The following LGR5 variants were observed in gnomAD, a reference collection of about 807,000 sequenced individuals.
The protein encoded by LGR5 is leucine-rich repeat-containing G protein-coupled receptor 5.
In LGR5, 54 loss-of-function variants were observed where a neutral mutation model predicts 76.7. The ratio of observed to expected loss-of-function variants is 0.70; its 90% confidence interval spans 0.57 to 0.88. LGR5 has a LOEUF of 0.88. Among genes scored for constraint, LGR5 ranks in the 40% least tolerant of loss-of-function variants. LGR5 has a pLI of 0.00. For missense variants in LGR5, 1,078 were observed against 1,073.3 expected (o/e 1.00, Z -0.06); for synonymous variants, 406 against 421.9 (o/e 0.96, Z 0.46).
chr12:71,497,056 G>A (rs749434197), intron 1 of LGR5, among the ~76,000 whole-genome samples: 2 of 152,080 alleles, frequency 1.3e-5, no homozygotes, highest in African/African-American at 2.4e-5. Flanking sequence ...TGGCATGCCT[G>A]TAATCCCAGC....
intron 3 of LGR5, among the ~76,000 whole-genome samples, chr12:71,532,688 C>T (rs537906162): frequency 6.6e-6 from 1 of 152,220 alleles, no homozygotes; most frequent in South Asian, 2.1e-4. Context: ...TCCCATTATA[C>T]AGATAAAAGA....
chr12:71,478,794 T>G (rs1873454140), intron 1 of LGR5, among the ~76,000 whole-genome samples: 1 of 152,350 alleles, frequency 6.6e-6, no homozygotes, highest in East Asian at 1.9e-4. Flanking sequence ...ATTACATTTC[T>G]GTTTTTACTC....
intron 1 of LGR5, among the ~76,000 whole-genome samples, chr12:71,494,434 G>T (rs1190087942): frequency 6.6e-6 from 1 of 151,006 alleles, no homozygotes; most frequent in Non-Finnish European, 1.5e-5. Context: ...CTAGTTCTTT[G>T]TAAGCCTCTG....
At chr12:71,566,584 CCT>C (rs1565764249) in intron 9 of LGR5, 46 bp from the exon 10 acceptor site, 2 of 1,554,716 alleles carry the variant, frequency 1.3e-6, no homozygotes, top group Admixed American at 1.7e-5. Context: ...AAAAATTACC[CCT>C]GTCTAGAATC....
chr12:71,491,557 G>T (rs1162642196), intron 1 of LGR5, among the ~76,000 whole-genome samples: 1 of 151,576 alleles, frequency 6.6e-6, no homozygotes, highest in African/African-American at 2.4e-5. Flanking sequence ...AGTTTTATCT[G>T]GTAGAAGAAC....
At chr12:71,451,731 T>C (rs1592453225) in intron 1 of LGR5, among the ~76,000 whole-genome samples, 1 of 152,318 alleles carries the variant, frequency 6.6e-6, no homozygotes, top group East Asian at 1.9e-4. Context: ...CACAGAATTC[T>C]TGTATATTGA....
At chr12:71,475,824 T>C (rs1592471840) in intron 1 of LGR5, among the ~76,000 whole-genome samples, 1 of 152,280 alleles carries the variant, frequency 6.6e-6, no homozygotes, top group African/African-American at 2.4e-5. Context: ...TAGGAGAGAT[T>C]TTTATGGGAA....
chr12:71,500,055 G>A (rs1874523055), intron 1 of LGR5, among the ~76,000 whole-genome samples: 1 of 152,036 alleles, frequency 6.6e-6, no homozygotes, highest in African/African-American at 2.4e-5. Context: ...ATGGACATAG[G>A]GATGGTGGGA....
chr12:71,570,311 T>TA (rs1478890953), intron 11 of LGR5, among the ~76,000 whole-genome samples: 1 of 152,144 alleles, frequency 6.6e-6, no homozygotes, highest in Non-Finnish European at 1.5e-5. Flanking sequence ...CCCAGAATTT[T>TA]AAAAAAATAA....
intron 1 of LGR5, among the ~76,000 whole-genome samples, chr12:71,470,543 T>A (rs1323514960): frequency 6.6e-6 from 1 of 151,764 alleles, no homozygotes; most frequent in African/African-American, 2.4e-5. Flanking sequence ...CACACATATA[T>A]GTCTTTATGT....
chr12:71,448,020 TC>T lies in LGR5; in HGVS notation c.212+7730del, dbSNP rs1022784539. Among the ~76,000 whole-genome samples, 65 of 151,772 alleles carry T rather than the reference TC, an allele frequency of 4.3e-4. 1 individual carries two copies. Among genetic ancestry groups the T allele is most frequent in the Non-Finnish European group, 7.4e-5 (5 of 67,974 alleles). On this transcript the variant is annotated intron_variant, in intron 1 of 17. Coordinates refer to ENST00000266674, the MANE Select transcript of LGR5 (RefSeq NM_003667.4). ...CTAGAAGCCAAGTGTTTCAAACTGT[TC>T]CTCAGTTTGCAGCCAAATTCCTTTA...
chr12:71,521,986 T>C (rs1210252868), intron 2 of LGR5, among the ~76,000 whole-genome samples: 1 of 152,170 alleles, frequency 6.6e-6, no homozygotes, highest in Admixed American at 6.5e-5. Flanking sequence ...TGATGGTCAA[T>C]CTCTCTACTT....
At chr12:71,502,827 T>A (rs1874670769) in intron 1 of LGR5, among the ~76,000 whole-genome samples, 2 of 152,178 alleles carry the variant, frequency 1.3e-5, no homozygotes, top group South Asian at 4.1e-4. Context: ...TTAAAAATAA[T>A]GTGGAGTGCT....
chr12:71,577,999 G>C lies in LGR5; in HGVS notation c.1280+3G>C. On this transcript the variant is annotated splice_donor_region_variant and intron_variant, in intron 14 of 17. Coordinates refer to ENST00000266674, the MANE Select transcript of LGR5 (RefSeq NM_003667.4). Reference sequence around the variant, plus strand: ...ACTTTGCCATCCCTAATAAAGCTGTGAGTATTCCACAACTTGTTTATGGTA... The same window carrying C: ...ACTTTGCCATCCCTAATAAAGCTGTCAGTATTCCACAACTTGTTTATGGTA... 2 of 1,601,154 alleles carry C rather than the reference G, an allele frequency of 1.2e-6. No individual in the cohort carries two copies. Among genetic ancestry groups the C allele is most frequent in the Non-Finnish European group, 1.7e-6 (2 of 1,168,372 alleles).
chr12:71,572,083 CTT>C (rs35367098), intron 12 of LGR5, among the ~76,000 whole-genome samples: 1 of 137,504 alleles, frequency 7.3e-6, no homozygotes, highest in Admixed American at 7.4e-5. Context: ...AAACATCAGC[CTT>C]TTTTTTTTTT....
intron 1 of LGR5, among the ~76,000 whole-genome samples, chr12:71,477,716 T>A (rs1251701998): frequency 6.6e-6 from 1 of 152,174 alleles, no homozygotes. Context: ...TCTCCTTTCA[T>A]GACACTAACT....
intron 1 of LGR5, among the ~76,000 whole-genome samples, chr12:71,450,360 T>C (rs139747026): frequency 0.012 from 1,816 of 152,336 alleles, 38 homozygotes; most frequent in African/African-American, 0.042. Flanking sequence ...ACAGACACAG[T>C]GTCTCTGTAT....
At chr12:71,530,703 G>A (rs1876260715) in intron 3 of LGR5, among the ~76,000 whole-genome samples, 1 of 152,146 alleles carries the variant, frequency 6.6e-6, no homozygotes, top group Admixed American at 6.5e-5. Flanking sequence ...ATTTTCTAGT[G>A]TAAGCCATTC....
intron 1 of LGR5, among the ~76,000 whole-genome samples, chr12:71,458,126 G>A (rs966574054): frequency 1.3e-5 from 2 of 152,070 alleles, no homozygotes; most frequent in Non-Finnish European, 2.9e-5. Flanking sequence ...ACTATTTAGT[G>A]TTACTTTTTT....
Sources: allele counts gnomAD v4.1 joint callset (sites outside exome capture counted in the v4.1 genomes callset), GRCh38; gene constraint gnomAD v4.1.1; transcripts MANE v1.5; gene names NCBI Gene and HGNC (gene_info 2026-07-23, HGNC 2026-07-21).